Variants in GBP2 observed in about 807,000 individuals in gnomAD.
GBP2 encodes the protein guanylate binding protein 2, also known as guanylate-binding protein 2.
GBP2 carries 54 observed loss-of-function variants against 60.8 expected under a neutral mutation model. That is an observed-to-expected ratio of 0.89 (90% confidence interval 0.71 to 1.11). GBP2 has a LOEUF of 1.11. Among genes scored for constraint, GBP2 ranks in the 50% most tolerant of loss-of-function variants. The pLI is 0.00. For missense variants in GBP2, 665 were observed against 703.3 expected, an observed-to-expected ratio of 0.95 and a Z score of 0.62; for synonymous variants, 243 against 256.5, an observed-to-expected ratio of 0.95 and a Z score of 0.50.
At position 89,117,766 on chromosome 1, in the gene GBP2, T is replaced by A. The variant is rs1043213149; in HGVS notation, c.436A>T (p.Thr146Ser). 8.1e-6 allele frequency: 13 copies of A among 1,606,978 alleles called. No homozygotes were observed. Among genetic ancestry groups the A allele is most frequent in the Admixed American group, 1.7e-5 (1 of 58,356 alleles). Residue 146 changes from threonine (T) to serine (S), a missense_variant, in exon 5 of 11, where the codon ACA (threonine) becomes TCA (serine). Physicochemically the swap from Thr to Ser is moderately conservative, Grantham distance 58. Transcript: ENST00000370466. The stretch of plus-strand genomic sequence containing the variant: ...GCCTTGATTCGATCTGTCAGCTCTG[T>A]CACATAGCTGAGATGCTAAATTAAG... ...QQAMDQLHYV[T>S]ELTDRIKANS...
In GBP2 at chr1:89,121,911, C is replaced by A. The variant is rs1681407857; in HGVS notation, c.56G>T (p.Gly19Val). The change falls in exon 2 of 11, where the codon GGG (glycine) becomes GTG (valine). Residue 19 changes from glycine (G) to valine (V), a missense_variant. By Grantham distance (109) the Gly-to-Val change is moderately radical. Coordinates refer to ENST00000370466, the MANE Select transcript of GBP2 (RefSeq NM_004120.5). The stretch of plus-strand genomic sequence containing the variant: ...AGCTTCTGGATTCACCACCAGCTGC[C>A]CTTTAGTGTTATCAATGAGGCTCAT... ...GPMSLIDNTK[G>V]QLVVNPEALK... 1 of 1,613,988 alleles carries A rather than the reference C, an allele frequency of 6.2e-7. No homozygotes were observed. The highest frequency in any genetic ancestry group is 8.5e-7 in the Non-Finnish European group (1 of 1,179,940).
chr1:89,110,256 A>AC lies in GBP2; in HGVS notation c.1372dup (p.Val458GlyfsTer14). On this transcript the variant is annotated frameshift_variant, in exon 9 of 11. Coordinates refer to ENST00000370466, the MANE Select transcript of GBP2 (RefSeq NM_004120.5). LOFTEE classifies it high-confidence loss of function. ...CTTGGACTCCAAATATTTTTTCAGC[A>AC]CCTCTTTGGCCTGGTTATACAGAGA... 1 of 1,612,938 alleles carries AC rather than the reference A, an allele frequency of 6.2e-7. No homozygotes were observed. Among genetic ancestry groups the AC allele is most frequent in the South Asian group, 1.1e-5 (1 of 91,048 alleles).
intron 8 of GBP2, among the ~76,000 whole-genome samples, chr1:89,111,146 A>G (rs1681157055): frequency 7.2e-5 from 11 of 152,232 alleles, no homozygotes; most frequent in Admixed American, 7.2e-4. Context: ...TATAGGTGGA[A>G]CATACCCCAA....
In GBP2 at chr1:89,106,415, A is replaced by G. The variant is rs1328775111; in HGVS notation, c.*1760T>C. 2.6e-5 allele frequency: 4 copies of G among 152,234 alleles called. No homozygotes were observed. Among genetic ancestry groups the G allele is most frequent in the Admixed American group, 1.3e-4 (2 of 15,290 alleles). The allele number at this position is 152,234 out of a possible 1,614,324, so 9.4% of individuals were successfully genotyped here. A position where few individuals can be genotyped will look rare whatever the true frequency, so the allele number is the denominator to read the frequency against. On this transcript the variant is annotated 3_prime_UTR_variant, in exon 11 of 11. Coordinates refer to ENST00000370466, the MANE Select transcript of GBP2 (RefSeq NM_004120.5). ...TTGGGGAATAGGGAGTACCTATTCT[A>G]TAGTCCTATTAAGTCTTTCTTAAGT...
intron 4 of GBP2, 117 bp downstream of exon 4, chr1:89,120,062 A>G (rs1681368457): frequency 2.9e-6 from 2 of 689,994 alleles, no homozygotes. Flanking sequence ...AATGAGATTT[A>G]TTAAAGAGAG....
At chr1:89,115,996 G>A (rs1275352903) in intron 6 of GBP2, among the ~76,000 whole-genome samples, 1 of 143,222 alleles carries the variant, frequency 7.0e-6, no homozygotes, top group South Asian at 2.3e-4. Context: ...GCTTTGGTTA[G>A]CTCTTAACCA....
At chr1:89,117,313 C>T in intron 5 of GBP2, 79 bp from the exon 6 acceptor site, 1 of 1,307,852 alleles carries the variant, frequency 7.6e-7, no homozygotes, top group Middle Eastern at 1.9e-4. Flanking sequence ...ATAATTTTCA[C>T]AAAGCCCATG....
rs765107402 is a variant in GBP2 at position 89,112,577 on chromosome 1, ATCT to A, written c.1254_1256del (p.Glu418del). ...GTTTAGAAAATGTTCCCTGCTTGAC[ATCT>A]TCTTCTAAAGGGCCAAATATATCCT... On this transcript the variant is annotated inframe_deletion, in exon 8 of 11. Coordinates refer to ENST00000370466, the MANE Select transcript of GBP2 (RefSeq NM_004120.5). 1.9e-6 allele frequency: 3 copies of A among 1,614,060 alleles called. No individual in the cohort carries two copies. The highest frequency in any genetic ancestry group is 2.2e-5 in the East Asian group (1 of 44,888).
chr1:89,120,968 T>C (rs1164776859), intron 3 of GBP2, among the ~76,000 whole-genome samples, 175 bp downstream of exon 3: 1 of 152,200 alleles, frequency 6.6e-6, no homozygotes, highest in East Asian at 1.9e-4. Context: ...GAACTTATTG[T>C]GTACTCTGAA....
At chr1:89,124,415 T>C (rs1390907244) in intron 1 of GBP2, among the ~76,000 whole-genome samples, 3 of 147,710 alleles carry the variant, frequency 2.0e-5, no homozygotes, top group African/African-American at 7.3e-5. Context: ...TCACATTTTC[T>C]GACTTAATTA....
At position 89,121,967 on chromosome 1, in the gene GBP2, G is replaced by A; in HGVS notation, c.-1C>T. Reference sequence around the variant, plus strand: ...CCGGCAAGTTGATCTCTGGAGCCATGTCCAGGGTGTTGTTCCCTTGTGTGC... The same window carrying A: ...CCGGCAAGTTGATCTCTGGAGCCATATCCAGGGTGTTGTTCCCTTGTGTGC... On this transcript the variant is annotated 5_prime_UTR_variant, in exon 2 of 11. Coordinates refer to ENST00000370466, the MANE Select transcript of GBP2 (RefSeq NM_004120.5). The A allele has an allele frequency of 6.2e-7, 1 of 1,610,052 alleles. No homozygotes were observed. Among genetic ancestry groups the A allele is most frequent in the Non-Finnish European group, 8.5e-7 (1 of 1,177,654 alleles).
intron 1 of GBP2, among the ~76,000 whole-genome samples, chr1:89,124,212 G>A (rs1367475683): frequency 6.6e-6 from 1 of 152,152 alleles, no homozygotes; most frequent in African/African-American, 2.4e-5. Context: ...CCTTGTGAGT[G>A]TTTATTTTTA....
rs150718831 is a variant in GBP2 at position 89,110,242 on chromosome 1, A to G, written c.1387T>C (p.Leu463=). 1.2e-6 allele frequency: 2 copies of G among 1,613,640 alleles called. No individual in the cohort carries two copies. Among genetic ancestry groups the G allele is most frequent in the African/African-American group, 1.3e-5 (1 of 74,896 alleles). The change falls in exon 9 of 11, where the codon TTG becomes CTG. Residue 463 remains leucine, a synonymous_variant. Coordinates refer to ENST00000370466, the MANE Select transcript of GBP2 (RefSeq NM_004120.5). ...TCAGCCACATCCTCCTTGGACTCCA[A>G]ATATTTTTTCAGCACCTCTTTGGCC... ...IQAKEVLKKY[L]ESKEDVADAL...
At chr1:89,116,324 T>C (rs2100615756) in intron 6 of GBP2, among the ~76,000 whole-genome samples, 1 of 152,302 alleles carries the variant, frequency 6.6e-6, no homozygotes, top group South Asian at 2.1e-4. Flanking sequence ...AACTCAATCA[T>C]TTTTAAGTTC....
At chr1:89,110,138 T>C (rs1025530644) in intron 9 of GBP2, 26 bp downstream of exon 9, 2 of 1,527,716 alleles carry the variant, frequency 1.3e-6, no homozygotes, top group Non-Finnish European at 1.8e-6. Context: ...TTTCCGACCA[T>C]GTAGAGTGTT....
chr1:89,117,201 G>A lies in GBP2; in HGVS notation c.659C>T (p.Pro220Leu), dbSNP rs369251246. 118 of 1,613,660 alleles carry A rather than the reference G, an allele frequency of 7.3e-5. No individual in the cohort carries two copies. Among genetic ancestry groups the A allele is most frequent in the Non-Finnish European group, 9.4e-5 (111 of 1,179,732 alleles). ...GAAGAACTTTCGGATGCACAACCGA[G>A]GATCATTAAAGCTTTTACTTTTCTT... is the stretch of plus-strand genomic sequence containing the variant. ...TDKKSKSFND[P>L]RLCIRKFFPK... The change falls in exon 6 of 11, where the codon CCT becomes CTT. Residue 220 changes from proline (P) to leucine (L), a missense_variant. Pro to Leu is a moderately conservative substitution (Grantham distance 98, BLOSUM62 -3). Transcript: ENST00000370466.
In GBP2 at chr1:89,116,272, C is replaced by G. The variant is rs556496450; in HGVS notation, c.868+720G>C. Among the ~76,000 whole-genome samples, 37 of 152,238 alleles carry G rather than the reference C, an allele frequency of 2.4e-4. 1 individual carries two copies. The South Asian group carries it at 7.0e-3, about 29-fold the overall frequency. ...AAAGTGATTCACCCACCTCAGCCCC[C>G]CAAAGTTCTGGGATTATAGGCATTA... On this transcript the variant is annotated intron_variant, in intron 6 of 10. Coordinates refer to ENST00000370466, the MANE Select transcript of GBP2 (RefSeq NM_004120.5).
At chr1:89,117,498 T>C in intron 5 of GBP2, 79 bp downstream of exon 5, 1 of 1,250,124 alleles carries the variant, frequency 8.0e-7, no homozygotes, top group Non-Finnish European at 1.1e-6. Flanking sequence ...AATTATAATT[T>C]TTAGCACTGC....
intron 8 of GBP2, 42 bp from the exon 9 acceptor site, chr1:89,110,308 T>C (rs774084129): frequency 6.8e-7 from 1 of 1,470,868 alleles, no homozygotes; most frequent in Non-Finnish European, 9.5e-7. Context: ...AGAGTGATTG[T>C]GGGTTAGATC....
Sources: gnomAD v4.1 joint callset for allele counts (sites outside exome capture counted in the v4.1 genomes callset) on GRCh38, gnomAD v4.1.1 for gene constraint, MANE v1.5 for transcripts, NCBI Gene and HGNC (gene_info 2026-07-23, HGNC 2026-07-21) for gene names.